Variants in ADRA1A observed in about 807,000 individuals in gnomAD.
The protein encoded by ADRA1A is adrenoceptor alpha 1A, also known as alpha-1A adrenergic receptor.
A neutral mutation model predicts 29.6 loss-of-function variants in ADRA1A; 31 were observed. The ratio of observed to expected loss-of-function variants is 1.05; its 90% CI spans 0.79 to 1.41. The LOEUF (loss-of-function observed/expected upper bound fraction) is 1.41, where lower values mean the gene tolerates loss of function less well. Ranked by LOEUF, ADRA1A falls within the 40% of genes most tolerant of loss-of-function variation. ADRA1A has a pLI of 0.00. For synonymous variants in ADRA1A, 311 were observed against 254.3 expected, an observed-to-expected ratio of 1.22 and a Z score of -2.12; for missense variants, 619 against 601.1, an observed-to-expected ratio of 1.03 and a Z score of -0.31.
At chr8:26,862,537 T>C (rs1813553603) in intron 2 of ADRA1A, among the ~76,000 whole-genome samples, 1 of 152,240 alleles carries the variant, frequency 6.6e-6, no homozygotes, top group Non-Finnish European at 1.5e-5. Context: ...AAATACTTGT[T>C]GAGCGAGCAC....
At chr8:26,846,873 G>A (rs1278582529) in intron 2 of ADRA1A, among the ~76,000 whole-genome samples, 1 of 152,156 alleles carries the variant, frequency 6.6e-6, no homozygotes, top group African/African-American at 2.4e-5. Context: ...TATACACCAT[G>A]GAATACTATG....
chr8:26,824,105 G>C (rs902002792), intron 2 of ADRA1A, among the ~76,000 whole-genome samples: 2 of 152,106 alleles, frequency 1.3e-5, no homozygotes, highest in African/African-American at 4.8e-5. Context: ...AACAAAATAG[G>C]TAGGGGGCAA....
intron 2 of ADRA1A, among the ~76,000 whole-genome samples, chr8:26,859,870 C>A (rs1357728951): frequency 6.6e-6 from 1 of 151,678 alleles, no homozygotes. Context: ...CGGGTTCAAG[C>A]GATTCTCCAG....
At chr8:26,849,920 T>C (rs2130737670) in intron 2 of ADRA1A, among the ~76,000 whole-genome samples, 1 of 150,518 alleles carries the variant, frequency 6.6e-6, no homozygotes, top group East Asian at 2.0e-4. Flanking sequence ...AATATGGAGA[T>C]TGTGTATTAC....
intron 2 of ADRA1A, among the ~76,000 whole-genome samples, chr8:26,842,929 A>G (rs2130708157): frequency 6.7e-6 from 1 of 148,788 alleles, no homozygotes; most frequent in African/African-American, 2.5e-5. Flanking sequence ...TTATCTCACA[A>G]GCTCATGAAT....
intron 2 of ADRA1A, among the ~76,000 whole-genome samples, chr8:26,833,544 TA>T (rs1486301598): frequency 6.6e-6 from 1 of 152,202 alleles, no homozygotes; most frequent in Non-Finnish European, 1.5e-5. Flanking sequence ...CAGCACAAAC[TA>T]AGAAGCTCAG....
intron 2 of ADRA1A, among the ~76,000 whole-genome samples, chr8:26,824,855 T>A (rs1490743320): frequency 6.6e-6 from 1 of 152,156 alleles, no homozygotes; most frequent in East Asian, 1.9e-4. Flanking sequence ...GTAGAAATCA[T>A]GTTAAATGAG....
downstream of ADRA1A, among the ~76,000 whole-genome samples, chr8:26,768,218 T>C (rs1805896752): frequency 6.6e-6 from 1 of 152,166 alleles, no homozygotes; most frequent in African/African-American, 2.4e-5. Flanking sequence ...GAAATTATCA[T>C]TTTGCTGCAA....
At chr8:26,817,286 T>C (rs1809836005) in intron 2 of ADRA1A, among the ~76,000 whole-genome samples, 1 of 152,206 alleles carries the variant, frequency 6.6e-6, no homozygotes, top group Non-Finnish European at 1.5e-5. Flanking sequence ...AATGAAAAGA[T>C]GCTCAACATC....
intron 2 of ADRA1A, among the ~76,000 whole-genome samples, chr8:26,782,195 G>C (rs184491868): frequency 6.6e-6 from 1 of 152,182 alleles, no homozygotes; most frequent in African/African-American, 2.4e-5. Context: ...ATTGGCTATA[G>C]GTCTCTGCTC....
At chr8:26,748,845 A>G in intron 2 of ADRA1A, 1 of 363,038 alleles carries the variant, frequency 2.8e-6, no homozygotes, top group Non-Finnish European at 5.3e-6. Context: ...TCACCCTCCC[A>G]GCTTGCATTT....
chr8:26,783,198 T>C (rs1351465846), intron 2 of ADRA1A, among the ~76,000 whole-genome samples: 2 of 152,160 alleles, frequency 1.3e-5, no homozygotes, highest in African/African-American at 4.8e-5. Flanking sequence ...GAATTAAAGA[T>C]GAAGTATGAG....
intron 2 of ADRA1A, among the ~76,000 whole-genome samples, chr8:26,838,162 A>T (rs1315612359): frequency 1.3e-5 from 2 of 152,210 alleles, no homozygotes; most frequent in African/African-American, 4.8e-5. Context: ...AGGCACCAGA[A>T]ATCTATGTGG....
At chr8:26,795,112 C>G (rs962899444) in intron 2 of ADRA1A, among the ~76,000 whole-genome samples, 2 of 152,070 alleles carry the variant, frequency 1.3e-5, no homozygotes, top group African/African-American at 4.8e-5. Context: ...CCATCTCCTA[C>G]TAAAAAGGAC....
chr8:26,853,378 A>G (rs924736361), intron 2 of ADRA1A, among the ~76,000 whole-genome samples: 3 of 152,228 alleles, frequency 2.0e-5, no homozygotes, highest in African/African-American at 7.2e-5. Flanking sequence ...GAGTGACAAA[A>G]TGAATCCAGA....
chr8:26,788,844 C>A (rs766744673), intron 2 of ADRA1A, among the ~76,000 whole-genome samples: 2 of 151,874 alleles, frequency 1.3e-5, no homozygotes, highest in Non-Finnish European at 2.9e-5. Flanking sequence ...GTGCTTATTG[C>A]CAAATTTTCA....
In ADRA1A at chr8:26,865,158, A is replaced by T. The variant is rs1423493977; in HGVS notation, c.-189T>A. On this transcript the variant is annotated 5_prime_UTR_variant, in exon 2 of 3. Coordinates refer to ENST00000380573, the MANE Select transcript of ADRA1A (RefSeq NM_000680.4). This position sits in a 1 kb window ranked among gnomAD's most constrained non-coding sequence, Gnocchi z 7.6. ...CCTGGCCAGCCCTGGGAACCCTCAG[A>T]AGGCCACATGAAGGGGCAGGGCATT... The T allele has an allele frequency of 7.0e-7, 1 of 1,431,106 alleles. No individual in the cohort carries two copies. The highest frequency in any genetic ancestry group is 9.1e-7 in the Non-Finnish European group (1 of 1,097,468). The allele number at this position is 1,431,106 out of a possible 1,614,324, so 88.7% of individuals were successfully genotyped here.
In ADRA1A at chr8:26,815,764, T is replaced by C. The variant is rs1401177056; in HGVS notation, c.884-45098A>G. Among the ~76,000 whole-genome samples, 1 of 152,202 alleles carries C rather than the reference T, an allele frequency of 6.6e-6. No individual in the cohort carries two copies. The highest frequency in any genetic ancestry group is 1.5e-5 in the Non-Finnish European group (1 of 68,038). Reference sequence around the variant, plus strand: ...AATTGGAAATGTGCAGCCTCAAATATTTCTATCAGAGAAGAAGAAGGCTGA... The same window carrying C: ...AATTGGAAATGTGCAGCCTCAAATACTTCTATCAGAGAAGAAGAAGGCTGA... On this transcript the variant is annotated intron_variant, in intron 2 of 2. Coordinates refer to ENST00000380573, the MANE Select transcript of ADRA1A (RefSeq NM_000680.4). The surrounding 1 kb of genome is among the most constrained non-coding windows in gnomAD (Gnocchi z 4.2).
chr8:26,834,206 A>G (rs946008411), intron 2 of ADRA1A, among the ~76,000 whole-genome samples: 4 of 152,254 alleles, frequency 2.6e-5, no homozygotes, highest in Non-Finnish European at 5.9e-5. Flanking sequence ...ACAATAAACA[A>G]TAGAGAAAGC....
Sources: gnomAD v4.1 joint callset for allele counts (sites outside exome capture counted in the v4.1 genomes callset) on GRCh38, gnomAD v4.1.1 for gene constraint, Gnocchi (gnomAD v3.1) non-coding constraint, MANE v1.5 for transcripts, NCBI Gene and HGNC (gene_info 2026-07-23, HGNC 2026-07-21) for gene names.